The following AGBL4 variants were observed in gnomAD, a reference collection of about 807,000 sequenced individuals.
The protein encoded by AGBL4 is cytosolic carboxypeptidase 6.
A neutral mutation model predicts 66.4 loss-of-function variants in AGBL4; 58 were observed. The ratio of observed to expected loss-of-function variants is 0.87; its 90% CI spans 0.71 to 1.09. AGBL4 has a LOEUF of 1.09. AGBL4 is among the 50% of genes least tolerant of loss of function. The pLI is 0.00. For synonymous variants in AGBL4, 234 were observed against 222.9 expected (o/e 1.05, Z -0.44); for missense variants, 579 against 631.0 (o/e 0.92, Z 0.88).
chr1:48,522,827 G>A, the AGBL4 span, among the ~76,000 whole-genome samples: 1 of 151,876 alleles, frequency 6.6e-6, no homozygotes, highest in Non-Finnish European at 1.5e-5. Flanking sequence ...TCAGGAGGCT[G>A]AGGCAGAAGA....
At chr1:49,573,224 C>T (rs1425188569) in intron 3 of AGBL4, among the ~76,000 whole-genome samples, 4 of 150,114 alleles carry the variant, frequency 2.7e-5, no homozygotes, top group Admixed American at 1.3e-4. Flanking sequence ...ACAACCCTGA[C>T]TAATGCAGAT....
chr1:49,376,564 C>A (rs1329330227), intron 3 of AGBL4, among the ~76,000 whole-genome samples: 1 of 152,074 alleles, frequency 6.6e-6, no homozygotes, highest in Non-Finnish European at 1.5e-5. Context: ...TCCCTGGATG[C>A]TCCTTCATCC....
intron 4 of AGBL4, among the ~76,000 whole-genome samples, chr1:49,094,819 G>A (rs1398617356): frequency 6.6e-6 from 1 of 152,116 alleles, no homozygotes; most frequent in Non-Finnish European, 1.5e-5. Flanking sequence ...TCAACATAGT[G>A]TTGGAAGTTC....
intron 2 of AGBL4, among the ~76,000 whole-genome samples, chr1:49,713,493 T>A (rs1647833416): frequency 6.6e-6 from 1 of 152,078 alleles, no homozygotes; most frequent in Non-Finnish European, 1.5e-5. Flanking sequence ...TATATCCACA[T>A]TATTTGATCA....
chr1:49,677,046 T>C (rs1240890517), intron 3 of AGBL4, among the ~76,000 whole-genome samples: 1 of 152,050 alleles, frequency 6.6e-6, no homozygotes, highest in East Asian at 1.9e-4. Context: ...ATCTATTATT[T>C]ATCCTTTTAG....
chr1:48,791,482 G>A (rs1259666285), intron 6 of AGBL4, among the ~76,000 whole-genome samples: 1 of 152,122 alleles, frequency 6.6e-6, no homozygotes, highest in African/African-American at 2.4e-5. Context: ...TAACACTTGA[G>A]CCAAAGAATG....
At chr1:50,021,745 T>A (rs1411593756) in intron 1 of AGBL4, among the ~76,000 whole-genome samples, 1 of 152,202 alleles carries the variant, frequency 6.6e-6, no homozygotes. Flanking sequence ...GTATATCCTA[T>A]ATCCACTCTT....
chr1:49,734,772 C>A (rs771183811), intron 2 of AGBL4, among the ~76,000 whole-genome samples: 1 of 151,696 alleles, frequency 6.6e-6, no homozygotes, highest in African/African-American at 2.4e-5. Context: ...TGATATTAAA[C>A]TTTATATATA....
At chr1:48,869,700 A>G (rs1160756200) in intron 5 of AGBL4, among the ~76,000 whole-genome samples, 1 of 152,180 alleles carries the variant, frequency 6.6e-6, no homozygotes, top group Non-Finnish European at 1.5e-5. Context: ...AAACGCAACC[A>G]GGTAGTGTGC....
intron 3 of AGBL4, among the ~76,000 whole-genome samples, chr1:49,530,171 A>G (rs2148812467): frequency 6.8e-6 from 1 of 146,746 alleles, no homozygotes; most frequent in South Asian, 2.1e-4. Context: ...GATCATTGTT[A>G]TCATCATTAT....
chr1:49,776,499 T>C (rs1372291650), intron 2 of AGBL4, among the ~76,000 whole-genome samples: 6 of 152,120 alleles, frequency 3.9e-5, no homozygotes, highest in African/African-American at 1.4e-4. Context: ...TAAATACCAC[T>C]CTGGCTTCAT....
At chr1:49,046,182 T>G (rs952628907) in intron 4 of AGBL4, among the ~76,000 whole-genome samples, 19 of 152,274 alleles carry the variant, frequency 1.2e-4, no homozygotes, top group African/African-American at 4.6e-4. Context: ...AAGCGGTCAG[T>G]AAAATATTAA....
intron 4 of AGBL4, among the ~76,000 whole-genome samples, chr1:49,060,173 G>T (rs756832089): frequency 8.5e-5 from 13 of 152,104 alleles, no homozygotes; most frequent in South Asian, 8.3e-4. Flanking sequence ...TTGTGCAAGG[G>T]ACCCTGTGGT....
At chr1:49,001,521 T>C (rs926704917) in intron 5 of AGBL4, among the ~76,000 whole-genome samples, 1 of 152,174 alleles carries the variant, frequency 6.6e-6, no homozygotes, top group African/African-American at 2.4e-5. Flanking sequence ...GACCTGTGCT[T>C]CTCATCACTA....
intron 2 of AGBL4, among the ~76,000 whole-genome samples, chr1:49,850,165 A>T (rs1049542484): frequency 2.6e-5 from 4 of 152,206 alleles, no homozygotes. Context: ...AAGGTCATTA[A>T]AGTAGTTCCC....
At chr1:49,128,976 G>A (rs1470114292) in intron 4 of AGBL4, among the ~76,000 whole-genome samples, 2 of 151,826 alleles carry the variant, frequency 1.3e-5, no homozygotes, top group Non-Finnish European at 2.9e-5. Context: ...TAAAAGACTT[G>A]TATCTAGAAA....
intron 2 of AGBL4, among the ~76,000 whole-genome samples, chr1:49,790,407 G>T (rs1007161158): frequency 6.7e-6 from 1 of 149,810 alleles, no homozygotes; most frequent in Non-Finnish European, 1.5e-5. Context: ...CCCAAGCAAG[G>T]CAAGATAAAT....
At chr1:49,391,754 G>A (rs944110952) in intron 3 of AGBL4, among the ~76,000 whole-genome samples, 2 of 151,956 alleles carry the variant, frequency 1.3e-5, no homozygotes, top group African/African-American at 4.8e-5. Flanking sequence ...GTGGAGATGG[G>A]GTTTCACTGT....
At chr1:49,921,280 T>A (rs1228791765) in intron 1 of AGBL4, among the ~76,000 whole-genome samples, 2 of 151,938 alleles carry the variant, frequency 1.3e-5, no homozygotes, top group East Asian at 3.9e-4. Context: ...CAATTCTAAT[T>A]GGGTTAAACA....
Sources: allele counts gnomAD v4.1 joint callset (sites outside exome capture counted in the v4.1 genomes callset), GRCh38; gene constraint gnomAD v4.1.1; transcripts MANE v1.5; gene names NCBI Gene and HGNC (gene_info 2026-07-23, HGNC 2026-07-21).